GCKR: variants seen among roughly 807,000 people sequenced by gnomAD.
The protein encoded by GCKR is glucokinase regulatory protein.
GCKR carries 73 observed loss-of-function variants against 82.9 expected under a neutral mutation model. The observed-to-expected ratio is 0.88, with a 90% CI of 0.73 to 1.07. The LOEUF (loss-of-function observed/expected upper bound fraction) is 1.07. Ranked by LOEUF, GCKR falls within the 50% of genes least tolerant of loss-of-function variation. The pLI is 0.00. For missense variants in GCKR, 784 were observed against 782.1 expected, an observed-to-expected ratio of 1.00 and a Z score of -0.03; for synonymous variants, 294 against 291.8, an observed-to-expected ratio of 1.01 and a Z score of -0.08.
intron 11 of GCKR, 49 bp from the exon 12 acceptor site, chr2:27,506,739 C>A: frequency 8.0e-7 from 1 of 1,252,768 alleles, no homozygotes; most frequent in Non-Finnish European, 1.2e-6. Context: ...ACATCTCTGG[C>A]CTCTTTGCAC....
At chr2:27,522,432 G>A (rs761983202) in intron 17 of GCKR, 28 bp from the exon 18 acceptor site, 2 of 1,613,136 alleles carry the variant, frequency 1.2e-6, no homozygotes, top group South Asian at 1.1e-5. Context: ...CCTTTAGCCT[G>A]ACACTGATCT....
intron 3 of GCKR, 72 bp downstream of exon 3, chr2:27,497,702 C>T: frequency 1.1e-6 from 1 of 932,264 alleles, no homozygotes; most frequent in Non-Finnish European, 1.8e-6. Flanking sequence ...GTCTCTATTT[C>T]TCACTTTGAT....
intron 3 of GCKR, 43 bp from the exon 4 acceptor site, chr2:27,498,212 C>T (rs1170774262): frequency 7.0e-7 from 1 of 1,438,064 alleles, no homozygotes; most frequent in Non-Finnish European, 9.8e-7. Flanking sequence ...CTTCTCCCAA[C>T]CTGAGCCAGG....
rs535381117 is a variant in GCKR, at chr2:27,523,414, A to G, written c.1853A>G (p.Glu618Gly). The G allele has an allele frequency of 3.7e-6, 6 of 1,608,954 alleles. No individual in the cohort carries two copies. In the African/African-American group the frequency reaches 8.0e-5, roughly 21 times the overall value. The change falls in exon 19 of 19, where the codon GAG becomes GGG. Residue 618 changes from glutamate to glycine, a missense_variant. Transcript: ENST00000264717. ...CAGAAGCGCACTGCGGACCCCCTCGAGATCCTAGAGCCTGACGTTCAGTGA... is the reference window on the plus strand; with the variant it reads ...CAGAAGCGCACTGCGGACCCCCTCGGGATCCTAGAGCCTGACGTTCAGTGA... ...PGQKRTADPLEILEPDVQ is the reference protein window; with the variant it reads ...PGQKRTADPLGILEPDVQ
chr2:27,498,879 G>T, intron 5 of GCKR, 82 bp downstream of exon 5: 1 of 866,852 alleles, frequency 1.2e-6, no homozygotes, highest in South Asian at 1.3e-5. Context: ...TTTAGACAGA[G>T]ATTGTGTCTG....
rs1193295010 is a variant in GCKR, at chr2:27,511,262, A to T, written c.1422+3011A>T. ...GGGCTGGTCTCGAACTTCGGACCTC[A>T]GGTAATACACCTGCCTTGGCCTCTC... On this transcript the variant is annotated intron_variant, in intron 16 of 18. Coordinates refer to ENST00000264717, the MANE Select transcript of GCKR (RefSeq NM_001486.4). Among the ~76,000 whole-genome samples the T allele has an allele frequency of 2.0e-5, 3 of 151,926 alleles. No homozygotes were observed. The East Asian group carries it at 5.9e-4, about 30-fold the overall frequency.
intron 7 of GCKR, among the ~76,000 whole-genome samples, chr2:27,500,371 C>T (rs1433660946): frequency 6.6e-6 from 1 of 152,226 alleles, no homozygotes; most frequent in Non-Finnish European, 1.5e-5. Flanking sequence ...CTCCTGACCT[C>T]AAGTGATCTG....
intron 16 of GCKR, among the ~76,000 whole-genome samples, chr2:27,509,055 C>T (rs535982877): frequency 1.3e-5 from 2 of 152,158 alleles, no homozygotes; most frequent in South Asian, 2.1e-4. Flanking sequence ...CTCTGGATGC[C>T]GGTCTAGCTC....
intron 7 of GCKR, among the ~76,000 whole-genome samples, chr2:27,499,732 T>G (rs1054769863): frequency 6.6e-5 from 10 of 152,214 alleles, no homozygotes; most frequent in African/African-American, 2.4e-4. Context: ...TGCAGCCAGC[T>G]GCCTGTTTTT....
At position 27,514,253 on chromosome 2, in the gene GCKR, GTA is replaced by G. The variant is rs138762435; in HGVS notation, c.1423-4522_1423-4521del. The stretch of plus-strand genomic sequence containing the variant: ...TTTACATACAGATGAATGTGTCTGC[GTA>G]TATATATATATACACACACATACAT... On this transcript the variant is annotated intron_variant, in intron 16 of 18. Transcript: ENST00000264717. Among the ~76,000 whole-genome samples the G allele has an allele frequency of 6.3e-3, 947 of 150,152 alleles. 10 individuals carry two copies. The highest frequency in any genetic ancestry group is 0.022 in the African/African-American group (891 of 40,942).
intron 8 of GCKR, among the ~76,000 whole-genome samples, chr2:27,501,451 G>T (rs1003766715): frequency 6.6e-6 from 1 of 152,310 alleles, no homozygotes; most frequent in Admixed American, 6.5e-5. Flanking sequence ...AGCTTATAAA[G>T]GATGCATAAA....
chr2:27,498,392 C>A, intron 4 of GCKR, 69 bp downstream of exon 4: 2 of 1,221,012 alleles, frequency 1.6e-6, no homozygotes, highest in Non-Finnish European at 2.4e-6. Flanking sequence ...CCATAAAGAT[C>A]ATCATAACTA....
At chr2:27,503,954 T>C (rs1295149810) in intron 9 of GCKR, among the ~76,000 whole-genome samples, 4 of 152,222 alleles carry the variant, frequency 2.6e-5, no homozygotes, top group Admixed American at 2.6e-4. Flanking sequence ...CTCTCACATA[T>C]TTACATTTTA....
chr2:27,504,633 C>A (rs1273230078), intron 9 of GCKR, among the ~76,000 whole-genome samples: 3 of 150,776 alleles, frequency 2.0e-5, no homozygotes, highest in Non-Finnish European at 3.0e-5. Flanking sequence ...CAGGCGTGAG[C>A]CACCGCACCC....
intron 18 of GCKR, 78 bp from the exon 19 acceptor site, chr2:27,523,191 G>A (rs541862037): frequency 4.3e-5 from 54 of 1,268,366 alleles, no homozygotes; most frequent in African/African-American, 1.9e-4. Context: ...GAGCCACTGC[G>A]CCCGACCTTC....
chr2:27,506,387 G>A (rs1040208201), intron 10 of GCKR, 94 bp from the exon 11 acceptor site: 2 of 832,850 alleles, frequency 2.4e-6, no homozygotes, highest in African/African-American at 3.3e-5. Context: ...TTAGTTCTAA[G>A]GGAGCTGTGC....
At chr2:27,508,542 ACAGAGTCT>A (rs1325445248) in intron 16 of GCKR, among the ~76,000 whole-genome samples, 10 of 152,106 alleles carry the variant, frequency 6.6e-5, no homozygotes, top group Admixed American at 3.9e-4. Context: ...TTACTTTGAG[ACAGAGTCT>A]CACTCTGTCG....
chr2:27,510,036 T>A (rs891205719), intron 16 of GCKR, among the ~76,000 whole-genome samples: 1 of 151,186 alleles, frequency 6.6e-6, no homozygotes, highest in African/African-American at 2.4e-5. Context: ...TAAGATGGAG[T>A]CTCGCTCTGT....
At position 27,496,913 on chromosome 2, in the gene GCKR, C is replaced by T. The variant is rs147430554; in HGVS notation, c.9C>T (p.Gly3=). 316 of 1,613,612 alleles carry T rather than the reference C, an allele frequency of 2.0e-4. No individual in the cohort carries two copies. Among genetic ancestry groups the T allele is most frequent in the Non-Finnish European group, 2.6e-4 (303 of 1,179,516 alleles). Residue 3 remains glycine (G), a synonymous_variant, in exon 1 of 19, where the codon GGC becomes GGT. Coordinates refer to ENST00000264717, the MANE Select transcript of GCKR (RefSeq NM_001486.4). The part of the protein sequence containing the change: MP[G]TKRFQHVIET... ...ATCCACAGCGTGGGACCATGCCAGG[C>T]ACAAAACGGTTTCAACATGTCATTG... is the stretch of plus-strand genomic sequence containing the variant.
Sources: allele counts gnomAD v4.1 joint callset (sites outside exome capture counted in the v4.1 genomes callset), GRCh38; gene constraint gnomAD v4.1.1; transcripts MANE v1.5; gene names NCBI Gene and HGNC (gene_info 2026-07-23, HGNC 2026-07-21).